The following AGFG1 variants were observed in gnomAD, a reference collection of about 807,000 sequenced individuals.
AGFG1 encodes the protein ArfGAP with FG repeats 1.
AGFG1 carries 10 observed loss-of-function variants against 60.6 expected under a neutral mutation model. The ratio of observed to expected loss-of-function variants is 0.16; its 90% CI spans 0.10 to 0.28. AGFG1 has a LOEUF of 0.28. Among genes scored for constraint, AGFG1 ranks in the 10% least tolerant of loss-of-function variants. The probability of loss-of-function intolerance (pLI) is 1.00; values close to 1 mark genes in which losing one functional copy is unlikely to be tolerated. For missense variants in AGFG1, 537 were observed against 676.5 expected (o/e 0.79, Z 2.29); for synonymous variants, 247 against 242.9 (o/e 1.02, Z -0.16).
chr2:227,530,971 C>T (rs1692139967), intron 5 of AGFG1, 120 bp from the exon 6 acceptor site: 1 of 931,552 alleles, frequency 1.1e-6, no homozygotes, highest in Non-Finnish European at 1.5e-6. Flanking sequence ...TAAGTGAATT[C>T]TCTATAAAGT....
chr2:227,549,971 AAC>A, intron 10 of AGFG1: 1 of 404,250 alleles, frequency 2.5e-6, no homozygotes, highest in South Asian at 1.9e-5. Flanking sequence ...CGAATTTTAT[AAC>A]TTTTTAATGA....
At chr2:227,480,692 C>G (rs73994640) in intron 1 of AGFG1, among the ~76,000 whole-genome samples, 7,616 of 151,660 alleles carry the variant, frequency 0.05, 236 homozygotes, top group African/African-American at 0.084. Context: ...CAGAACTTTT[C>G]TTCTATCTTC....
At chr2:227,509,992 C>A (rs1471570841) in intron 2 of AGFG1, among the ~76,000 whole-genome samples, 2 of 152,130 alleles carry the variant, frequency 1.3e-5, no homozygotes, top group Non-Finnish European at 2.9e-5. Flanking sequence ...GTGCCAGGCA[C>A]CATACCATAC....
At position 227,534,925 on chromosome 2, in the gene AGFG1, G is replaced by T; in HGVS notation, c.1105G>T (p.Ala369Ser). 1 of 1,613,654 alleles carries T rather than the reference G, an allele frequency of 6.2e-7. No homozygotes were observed. The highest frequency in any genetic ancestry group is 2.2e-5 in the East Asian group (1 of 44,870). ...SVVSVPSQSS[A>S]SSDKYAALAE... ...GGTTTCAGTTCCCAGTCAGTCAAGTGCATCTTCAGACAAGTATGCAGCTCT... is the reference window on the plus strand; with the variant it reads ...GGTTTCAGTTCCCAGTCAGTCAAGTTCATCTTCAGACAAGTATGCAGCTCT... The change falls in exon 8 of 13, where the codon GCA becomes TCA. Residue 369 changes from alanine (A) to serine (S), a missense_variant. This residue lies in a region of AGFG1 where 287 missense variants were observed against 343.6 expected (regional missense o/e 0.84). Transcript: ENST00000310078.
At chr2:227,525,686 A>C (rs529873872) in intron 5 of AGFG1, among the ~76,000 whole-genome samples, 15 of 152,218 alleles carry the variant, frequency 9.9e-5, no homozygotes, top group African/African-American at 3.4e-4. Context: ...TTGCACCACT[A>C]TGGTGCCCTG....
At position 227,551,468 on chromosome 2, in the gene AGFG1, A is replaced by G. The variant is rs150362175; in HGVS notation, c.1379-491A>G. 2.6e-3 allele frequency among the ~76,000 whole-genome samples: 400 copies of G among 152,264 alleles called. 3 individuals are homozygous for G. Among genetic ancestry groups the G allele is most frequent in the African/African-American group, 8.9e-3 (368 of 41,554 alleles). Reference sequence around the variant, plus strand: ...CTGCCTGTAACTAACTATTTGTCCTATAAGTCCTGTTCTTTTTAGCGAACT... The same window carrying G: ...CTGCCTGTAACTAACTATTTGTCCTGTAAGTCCTGTTCTTTTTAGCGAACT... On this transcript the variant is annotated intron_variant, in intron 10 of 12. Coordinates refer to ENST00000310078, the MANE Select transcript of AGFG1 (RefSeq NM_004504.5).
At chr2:227,524,509 C>G (rs1010720892) in intron 4 of AGFG1, among the ~76,000 whole-genome samples, 6 of 152,144 alleles carry the variant, frequency 3.9e-5, no homozygotes, top group Non-Finnish European at 7.4e-5. Flanking sequence ...GGCATTGCAG[C>G]CTCTATCCTA....
At chr2:227,504,224 TC>T (rs762557310) in intron 2 of AGFG1, among the ~76,000 whole-genome samples, 2 of 151,200 alleles carry the variant, frequency 1.3e-5, no homozygotes, top group Admixed American at 1.3e-4. Flanking sequence ...GGTCTCAACT[TC>T]CGTCACTCCC....
At chr2:227,546,275 G>A (rs1272531924) in intron 10 of AGFG1, among the ~76,000 whole-genome samples, 5 of 152,252 alleles carry the variant, frequency 3.3e-5, no homozygotes, top group Admixed American at 3.3e-4. Context: ...CTCCATGGGT[G>A]TGGGACCTGC....
chr2:227,505,885 C>T (rs1051594979), intron 2 of AGFG1, among the ~76,000 whole-genome samples: 2 of 151,920 alleles, frequency 1.3e-5, no homozygotes, highest in Non-Finnish European at 2.9e-5. Context: ...TTACAGGCAC[C>T]CGCCACCATG....
chr2:227,526,936 GT>G (rs1692012927), intron 5 of AGFG1, among the ~76,000 whole-genome samples: 1 of 152,132 alleles, frequency 6.6e-6, no homozygotes, highest in African/African-American at 2.4e-5. Context: ...TTACAAACAT[GT>G]TTAATGCATG....
chr2:227,519,921 C>A, intron 2 of AGFG1, 27 bp from the exon 3 acceptor site: 1 of 1,352,834 alleles, frequency 7.4e-7, no homozygotes, highest in African/African-American at 1.5e-5. Flanking sequence ...TTGAATTTAA[C>A]ATATATTTTT....
intron 1 of AGFG1, among the ~76,000 whole-genome samples, chr2:227,485,275 C>T (rs1018286899): frequency 3.1e-4 from 44 of 140,446 alleles, no homozygotes; most frequent in Middle Eastern, 7.9e-3. Context: ...GACAGAGTCT[C>T]GCTCAGGCTA....
At chr2:227,500,085 G>A (rs1691107885) in intron 2 of AGFG1, among the ~76,000 whole-genome samples, 1 of 152,212 alleles carries the variant, frequency 6.6e-6, no homozygotes, top group African/African-American at 2.4e-5. Flanking sequence ...TGTGGTTATG[G>A]GGTACGTTAT....
At chr2:227,528,029 G>A (rs1692048573) in intron 5 of AGFG1, among the ~76,000 whole-genome samples, 1 of 151,794 alleles carries the variant, frequency 6.6e-6, no homozygotes, top group Non-Finnish European at 1.5e-5. Context: ...GCTTCTTTTT[G>A]GATAATGATA....
At chr2:227,551,526 G>C (rs902259926) in intron 10 of AGFG1, among the ~76,000 whole-genome samples, 4 of 151,734 alleles carry the variant, frequency 2.6e-5, no homozygotes, top group Non-Finnish European at 4.4e-5. Flanking sequence ...TTTTTTGCAG[G>C]AACACATATT....
chr2:227,560,185 T>G lies in AGFG1; in HGVS notation c.*5690T>G, dbSNP rs1693094870. ...ATATTGCCACCTTCCAGCTCTAACA[T>G]TAATGTCTCCAGGATTCCATTATAT... On this transcript the variant is annotated 3_prime_UTR_variant, in exon 13 of 13. Coordinates refer to ENST00000310078, the MANE Select transcript of AGFG1 (RefSeq NM_004504.5). The G allele has an allele frequency of 6.6e-6, 1 of 152,178 alleles. No homozygotes were observed. Among genetic ancestry groups the G allele is most frequent in the South Asian group, 2.1e-4 (1 of 4,836 alleles). The allele number at this position is 152,178 out of a possible 1,614,324, so 9.4% of individuals were successfully genotyped here. A position where few individuals can be genotyped will look rare whatever the true frequency, so the allele number is the denominator to read the frequency against.
At chr2:227,499,359 G>T (rs1346710565) in intron 2 of AGFG1, among the ~76,000 whole-genome samples, 1 of 151,986 alleles carries the variant, frequency 6.6e-6, no homozygotes, top group East Asian at 1.9e-4. Context: ...TGGAGGCTTG[G>T]CTGGGCACCA....
intron 10 of AGFG1, among the ~76,000 whole-genome samples, chr2:227,539,819 T>C (rs1268304221): frequency 6.6e-6 from 1 of 151,420 alleles, no homozygotes; most frequent in African/African-American, 2.4e-5. Context: ...GAAAGTTTTA[T>C]CAGTATATTT....
Sources: allele counts gnomAD v4.1 joint callset (sites outside exome capture counted in the v4.1 genomes callset), GRCh38; gene constraint gnomAD v4.1.1; regional missense constraint gnomAD v4.1.1; transcripts MANE v1.5; gene names NCBI Gene and HGNC (gene_info 2026-07-23, HGNC 2026-07-21).